PPARD: variants seen among roughly 807,000 people sequenced by gnomAD.
PPARD encodes the protein peroxisome proliferator-activated receptor delta.
Under a neutral mutation model 39.5 loss-of-function variants are expected in PPARD, and 6 were observed. The ratio of observed to expected loss-of-function variants is 0.15; its 90% CI spans 0.08 to 0.30. The LOEUF (loss-of-function observed/expected upper bound fraction) is 0.30. Among genes scored for constraint, PPARD ranks in the 10% least tolerant of loss-of-function variants. The probability of loss-of-function intolerance (pLI) is 1.00; values close to 1 mark genes in which losing one functional copy is unlikely to be tolerated. For missense variants in PPARD, 397 were observed against 596.8 expected (o/e 0.67, Z 3.49); for synonymous variants, 210 against 231.3 (o/e 0.91, Z 0.83).
chr6:35,425,862 T>G lies in PPARD; in HGVS notation c.1109T>G (p.Val370Gly). 1 of 1,613,938 alleles carries G rather than the reference T, an allele frequency of 6.2e-7. No individual in the cohort carries two copies. Among genetic ancestry groups the G allele is most frequent in the Non-Finnish European group, 8.5e-7 (1 of 1,179,962 alleles). ...DRPGLMNVPRVEAIQDTILRA... is the reference protein window; with the variant it reads ...DRPGLMNVPRGEAIQDTILRA... ...CCAGGCCTCATGAACGTTCCACGGGTGGAGGCTATCCAGGACACCATCCTG... is the reference window on the plus strand; with the variant it reads ...CCAGGCCTCATGAACGTTCCACGGGGGGAGGCTATCCAGGACACCATCCTG... Residue 370 changes from valine (V) to glycine (G), a missense_variant, in exon 8 of 8, where the codon GTG becomes GGG. By Grantham distance (109) the Val-to-Gly change is moderately radical. Coordinates refer to ENST00000360694, the MANE Select transcript of PPARD (RefSeq NM_006238.5). This position sits in a 1 kb window ranked among gnomAD's most constrained non-coding sequence, Gnocchi z 4.5.
intron 2 of PPARD, among the ~76,000 whole-genome samples, chr6:35,406,924 C>T (rs1765091562): frequency 6.6e-6 from 1 of 152,206 alleles, no homozygotes; most frequent in Non-Finnish European, 1.5e-5. Flanking sequence ...CTGCTTCGTC[C>T]TCTAGCATGT....
intron 2 of PPARD, among the ~76,000 whole-genome samples, chr6:35,359,655 G>T (rs193017635): frequency 6.6e-6 from 1 of 152,100 alleles, no homozygotes; most frequent in Non-Finnish European, 1.5e-5. Context: ...ATCCCCACCT[G>T]TGTCTAATCC....
intron 2 of PPARD, among the ~76,000 whole-genome samples, chr6:35,408,611 CA>C (rs933962719): frequency 2.0e-5 from 3 of 152,170 alleles, no homozygotes; most frequent in Non-Finnish European, 4.4e-5. Context: ...AAAGAGCCTG[CA>C]GGGGAGAAAC....
intron 3 of PPARD, among the ~76,000 whole-genome samples, chr6:35,413,725 AGGCTG>A (rs1359833947): frequency 1.3e-5 from 2 of 149,880 alleles, no homozygotes; most frequent in African/African-American, 4.9e-5. Flanking sequence ...TCTGTCGCTC[AGGCTG>A]GAGTGCAGTG....
chr6:35,374,772 T>G (rs373263233), intron 2 of PPARD, among the ~76,000 whole-genome samples: 5 of 152,072 alleles, frequency 3.3e-5, no homozygotes, highest in African/African-American at 1.2e-4. Flanking sequence ...CTCCTAAAAC[T>G]CAGCACTCCC....
chr6:35,360,668 C>T (rs1295457598), intron 2 of PPARD, among the ~76,000 whole-genome samples: 1 of 152,216 alleles, frequency 6.6e-6, no homozygotes, highest in Admixed American at 6.5e-5. Flanking sequence ...TGAAAGGGAG[C>T]CAGGGCTCTT....
Position 35,367,855 on chromosome 6 carries a change from C to G in PPARD, c.-102+20705C>G, listed in dbSNP as rs981952576. 1.2e-3 allele frequency among the ~76,000 whole-genome samples: 186 copies of G among 152,368 alleles called. 1 individual carries two copies. Among genetic ancestry groups the G allele is most frequent in the Non-Finnish European group, 1.9e-4 (13 of 68,042 alleles). On this transcript the variant is annotated intron_variant, in intron 2 of 7. Coordinates refer to ENST00000360694, the MANE Select transcript of PPARD (RefSeq NM_006238.5). ...TCACGTCCCAGAACATCACCTCAAT[C>G]ATGTTCTATTGGTCAGAGCTGTCAC...
chr6:35,376,008 G>C (rs531173382), intron 2 of PPARD, among the ~76,000 whole-genome samples: 1 of 152,004 alleles, frequency 6.6e-6, no homozygotes, highest in Non-Finnish European at 1.5e-5. Context: ...ATATGCTTTT[G>C]TTTGGAATCA....
At chr6:35,409,005 G>C (rs567255445) in intron 2 of PPARD, among the ~76,000 whole-genome samples, 1 of 152,020 alleles carries the variant, frequency 6.6e-6, no homozygotes, top group Non-Finnish European at 1.5e-5. Flanking sequence ...TCTGTGGTCT[G>C]CTCCTGTCTG....
At chr6:35,350,181 A>G (rs1761152005) in intron 2 of PPARD, among the ~76,000 whole-genome samples, 2 of 152,116 alleles carry the variant, frequency 1.3e-5, no homozygotes, top group Non-Finnish European at 2.9e-5. Flanking sequence ...GTAGTTTGCA[A>G]ATATTTTCTC....
intron 2 of PPARD, among the ~76,000 whole-genome samples, chr6:35,365,308 G>A (rs2150513661): frequency 6.8e-6 from 1 of 146,506 alleles, no homozygotes; most frequent in South Asian, 2.2e-4. Context: ...ATTTTTGTGT[G>A]TGTGTGTATT....
chr6:35,376,793 G>T lies in PPARD; in HGVS notation c.-102+29643G>T, dbSNP rs1159982549. Reference sequence around the variant, plus strand: ...CCCAGCACTTTGGGAGGCCGAGGCAGGGGGATCATGAGGTCAGGAGATTGA... The same window carrying T: ...CCCAGCACTTTGGGAGGCCGAGGCATGGGGATCATGAGGTCAGGAGATTGA... On this transcript the variant is annotated intron_variant, in intron 2 of 7. Transcript: ENST00000360694. Among the ~76,000 whole-genome samples the T allele has an allele frequency of 2.0e-5, 3 of 151,650 alleles. No individual in the cohort carries two copies. In the East Asian group the frequency reaches 5.8e-4, roughly 29 times the overall value.
chr6:35,397,670 A>G (rs1764428784), intron 2 of PPARD: 1 of 528,674 alleles, frequency 1.9e-6, no homozygotes. Flanking sequence ...GAATCTAACA[A>G]CAGACAAAAA....
chr6:35,350,631 T>C (rs1408466894), intron 2 of PPARD, among the ~76,000 whole-genome samples: 2 of 134,770 alleles, frequency 1.5e-5, no homozygotes, highest in African/African-American at 5.8e-5. Flanking sequence ...TTTTTTTTTT[T>C]TTTCTCTGAG....
intron 2 of PPARD, among the ~76,000 whole-genome samples, chr6:35,405,895 G>C (rs755893392): frequency 2.0e-5 from 3 of 151,752 alleles, no homozygotes; most frequent in Non-Finnish European, 4.4e-5. Context: ...CTCCCAAAGT[G>C]CTGGGATTAC....
At position 35,424,403 on chromosome 6, in the gene PPARD, C is replaced by T. The variant is rs758550159; in HGVS notation, c.702C>T (p.Gly234=). The T allele has an allele frequency of 6.2e-7, 1 of 1,614,012 alleles. No individual in the cohort carries two copies. Among genetic ancestry groups the T allele is most frequent in the Admixed American group, 1.7e-5 (1 of 60,014 alleles). Residue 234 remains glycine, a synonymous_variant, in exon 7 of 8, where the codon GGC becomes GGT. Transcript: ENST00000360694. This position sits in a 1 kb window ranked among gnomAD's most constrained non-coding sequence, Gnocchi z 7.1. ...KGLVWKQLVN[G]LPPYKEISVH... is the part of the protein sequence containing the mutation. ...TGGTGTGGAAGCAGTTGGTGAATGG[C>T]CTGCCTCCCTACAAGGAGATCAGCG...
intron 2 of PPARD, among the ~76,000 whole-genome samples, chr6:35,372,640 T>C (rs932599302): frequency 1.3e-5 from 2 of 152,250 alleles, no homozygotes; most frequent in African/African-American, 4.8e-5. Context: ...CAGTTTGTCC[T>C]GGAGCTGGGC....
intron 1 of PPARD, among the ~76,000 whole-genome samples, chr6:35,346,761 A>G (rs1311391077): frequency 6.6e-6 from 1 of 152,174 alleles, no homozygotes; most frequent in African/African-American, 2.4e-5. Flanking sequence ...GACTCAGGAC[A>G]TCTTCATTTA....
intron 2 of PPARD, among the ~76,000 whole-genome samples, chr6:35,356,492 C>G (rs572216790): frequency 2.0e-5 from 3 of 152,232 alleles, no homozygotes; most frequent in Non-Finnish European, 2.9e-5. Flanking sequence ...CCTTAATTGC[C>G]TAAAACATCT....
Sources: gnomAD v4.1 joint callset for allele counts (sites outside exome capture counted in the v4.1 genomes callset) on GRCh38, gnomAD v4.1.1 for gene constraint, Gnocchi (gnomAD v3.1) non-coding constraint, MANE v1.5 for transcripts, NCBI Gene and HGNC (gene_info 2026-07-23, HGNC 2026-07-21) for gene names.